Variants in CSF3R observed in about 807,000 individuals in gnomAD.
CSF3R encodes the protein colony stimulating factor 3 receptor, also known as granulocyte colony-stimulating factor receptor.
A neutral mutation model predicts 84.4 loss-of-function variants in CSF3R; 52 were observed. The ratio of observed to expected loss-of-function variants is 0.62; its 90% CI spans 0.49 to 0.78. The LOEUF (loss-of-function observed/expected upper bound fraction) is 0.78, where lower values mean the gene tolerates loss of function less well. CSF3R is among the 30% of genes least tolerant of loss of function. CSF3R has a pLI of 0.00. For synonymous variants in CSF3R, 384 were observed against 429.1 expected (o/e 0.89, Z 1.30); for missense variants, 890 against 1,055.7 (o/e 0.84, Z 2.17).
Position 36,466,990 on chromosome 1 carries a change from C to T in CSF3R, c.2041-163G>A. On this transcript the variant is annotated intron_variant, in intron 16 of 16. Coordinates refer to ENST00000373106, the MANE Select transcript of CSF3R (RefSeq NM_000760.4). The surrounding 1 kb of genome is among the most constrained non-coding windows in gnomAD (Gnocchi z 4.6). ...GCACTAGTATGTTCCTCACACATGCCTGACACATGCCATGCACCGTTCAGA... is the reference window on the plus strand; with the variant it reads ...GCACTAGTATGTTCCTCACACATGCTTGACACATGCCATGCACCGTTCAGA... 4.6e-6 allele frequency: 7 copies of T among 1,530,546 alleles called. No individual in the cohort carries two copies. The highest frequency in any genetic ancestry group is 6.3e-6 in the Non-Finnish European group (7 of 1,119,070). The allele number at this position is 1,530,546 out of a possible 1,614,324, so 94.8% of individuals were successfully genotyped here. A position where few individuals can be genotyped will look rare whatever the true frequency, so the allele number is the denominator to read the frequency against.
At chr1:36,473,680 C>T (rs1570591482) in intron 5 of CSF3R, 58 bp from the exon 6 acceptor site, 1 of 1,613,858 alleles carries the variant, frequency 6.2e-7, no homozygotes, top group African/African-American at 1.3e-5. Context: ...CTCCCTTCTC[C>T]CTCCCAGAGG....
rs778153199 is a variant in CSF3R, at chr1:36,472,253, T to C, written c.982A>G (p.Arg328Gly). The C allele has an allele frequency of 1.9e-6, 3 of 1,614,114 alleles. No homozygotes were observed. In the South Asian group the frequency reaches 3.3e-5, roughly 18 times the overall value. The part of the protein sequence containing the change: ...WSDWSPSLEL[R>G]TTERAPTVRL... ...ACCTCCTTACCCCGTTCGGTAGTTCTCAGCTCCAGGCTGGGGCTCCAGTCG... is the reference window on the plus strand; with the variant it reads ...ACCTCCTTACCCCGTTCGGTAGTTCCCAGCTCCAGGCTGGGGCTCCAGTCG... Residue 328 changes from arginine to glycine, a missense_variant, in exon 8 of 17, where the codon AGA becomes GGA. Coordinates refer to ENST00000373106, the MANE Select transcript of CSF3R (RefSeq NM_000760.4). This position sits in a 1 kb window ranked among gnomAD's most constrained non-coding sequence, Gnocchi z 5.0.
chr1:36,481,852 C>T (rs2124160401), intron 1 of CSF3R: 1 of 153,108 alleles, frequency 6.5e-6, no homozygotes, highest in East Asian at 1.9e-4. Context: ...ACTCCTGGGC[C>T]CCCTGGCCCT....
rs756473038 is a variant in CSF3R, at chr1:36,475,539, C to T, written c.199G>A (p.Ala67Thr). 6.2e-7 allele frequency: 1 copy of T among 1,614,172 alleles called. No individual in the cohort carries two copies. Among genetic ancestry groups the T allele is most frequent in the South Asian group, 1.1e-5 (1 of 91,080 alleles). ...TGCCTGCCCCCGGGCTGAAGCTCTG[C>T]TCCCAGTCTCCACAGAATCTGTGGC... Reference protein sequence around the residue: ...PEPQILWRLGAELQPGGRQQR... With the variant: ...PEPQILWRLGTELQPGGRQQR... The change falls in exon 4 of 17, where the codon GCA becomes ACA. Residue 67 changes from alanine (A) to threonine (T), a missense_variant. Transcript: ENST00000373106.
intron 4 of CSF3R, 53 bp from the exon 5 acceptor site, chr1:36,473,940 C>T: frequency 6.2e-7 from 1 of 1,612,350 alleles, no homozygotes; most frequent in Non-Finnish European, 8.5e-7. Context: ...ACTCAGAAAG[C>T]TTCCTCTGGG....
chr1:36,474,641 C>T (rs548893045), intron 4 of CSF3R, among the ~76,000 whole-genome samples: 3 of 152,028 alleles, frequency 2.0e-5, no homozygotes, highest in African/African-American at 7.2e-5. Flanking sequence ...ACAAGAACCT[C>T]GGTCTTTGTT....
At position 36,466,413 on chromosome 1, in the gene CSF3R, A is replaced by T. The variant is rs1475784728; in HGVS notation, c.2455T>A (p.Phe819Ile). The T allele has an allele frequency of 2.5e-6, 4 of 1,613,672 alleles. No homozygotes were observed. Among genetic ancestry groups the T allele is most frequent in the Admixed American group, 3.3e-5 (2 of 60,004 alleles). ...DDCVFGPLLN[F>I]PLLQGIRVHG... ...ACCCGGATCCCCTGCAGGAGGGGGAAGTTGAGCAGTGGCCCAAAGACACAG... is the reference window on the plus strand; with the variant it reads ...ACCCGGATCCCCTGCAGGAGGGGGATGTTGAGCAGTGGCCCAAAGACACAG... Residue 819 changes from phenylalanine to isoleucine, a missense_variant, in exon 17 of 17, where the codon TTC (phenylalanine) becomes ATC (isoleucine). By Grantham distance (21) the Phe-to-Ile change is conservative. Coordinates refer to ENST00000373106, the MANE Select transcript of CSF3R (RefSeq NM_000760.4). This position sits in a 1 kb window ranked among gnomAD's most constrained non-coding sequence, Gnocchi z 4.6.
chr1:36,470,256 C>T (rs544896454), intron 10 of CSF3R, among the ~76,000 whole-genome samples: 1 of 152,292 alleles, frequency 6.6e-6, no homozygotes, highest in East Asian at 1.9e-4. Context: ...GCCATCTCGG[C>T]TCATTGCAAC....
rs367919345 is a variant in CSF3R, at chr1:36,466,160, A to G, written c.*197T>C. 1 of 1,614,216 alleles carries G rather than the reference A, an allele frequency of 6.2e-7. No homozygotes were observed. On this transcript the variant is annotated 3_prime_UTR_variant, in exon 17 of 17. Coordinates refer to ENST00000373106, the MANE Select transcript of CSF3R (RefSeq NM_000760.4). This position sits in a 1 kb window ranked among gnomAD's most constrained non-coding sequence, Gnocchi z 4.6. Reference sequence around the variant, plus strand: ...ATTGGGTGGGGCTGGATGGAGCATGATCTGGTCCTTAAAGTATGCAGATCG... The same window carrying G: ...ATTGGGTGGGGCTGGATGGAGCATGGTCTGGTCCTTAAAGTATGCAGATCG...
At chr1:36,482,247 AGAGAGATATC>A (rs1557602855) in intron 1 of CSF3R, among the ~76,000 whole-genome samples, 1 of 150,812 alleles carries the variant, frequency 6.6e-6, no homozygotes, top group African/African-American at 2.5e-5. Flanking sequence ...GATTGAGGCC[AGAGAGATATC>A]GAGAGACAGA....
chr1:36,475,464 G>C lies in CSF3R; in HGVS notation c.274C>G (p.Leu92Val), dbSNP rs1434762753. The C allele has an allele frequency of 6.2e-7, 1 of 1,614,164 alleles. No individual in the cohort carries two copies. Among genetic ancestry groups the C allele is most frequent in the Admixed American group, 1.7e-5 (1 of 60,022 alleles). ...GAGAGAAAGGCCTGAGTGTGGTTGA[G>C]GTGGGGCAGGGTGATGATAGATTCC... Reference protein sequence around the residue: ...TQESIITLPHLNHTQAFLSCC... With the variant: ...TQESIITLPHVNHTQAFLSCC... The change falls in exon 4 of 17, where the codon CTC becomes GTC. Residue 92 changes from leucine to valine, a missense_variant. By Grantham distance (32) the Leu-to-Val change is conservative (BLOSUM62 1). Transcript: ENST00000373106.
intron 12 of CSF3R, 193 bp downstream of exon 12, chr1:36,468,963 T>C: frequency 1.7e-6 from 1 of 596,636 alleles, no homozygotes; most frequent in East Asian, 2.8e-5. Context: ...CCCTACTCAA[T>C]TTCTATCCCA....
chr1:36,480,681 C>T (rs1167325437), intron 2 of CSF3R, among the ~76,000 whole-genome samples: 10 of 152,208 alleles, frequency 6.6e-5, no homozygotes, highest in African/African-American at 1.9e-4. Context: ...CCCTCGTGCT[C>T]AGCAGGGAGA....
In CSF3R at chr1:36,472,648, TG is replaced by T; in HGVS notation, c.711del (p.Ser238AlafsTer25). On this transcript the variant is annotated frameshift_variant, in exon 7 of 17. Coordinates refer to ENST00000373106, the MANE Select transcript of CSF3R (RefSeq NM_000760.4). LOFTEE classifies it high-confidence loss of function. The surrounding 1 kb of genome is among the most constrained non-coding windows in gnomAD (Gnocchi z 5.0). Reference sequence around the variant, plus strand: ...GCCTGGGGAGGGGCCGCTTCAGGGCTGGGGTCCATGGTCCGCAGCATGGGGG... The same window carrying T: ...GCCTGGGGAGGGGCCGCTTCAGGGCTGGGTCCATGGTCCGCAGCATGGGGG... ...LEPPMLRTMD[P>X]SPEAAPPQAG... The T allele has an allele frequency of 6.2e-7, 1 of 1,609,382 alleles. No homozygotes were observed. The highest frequency in any genetic ancestry group is 8.5e-7 in the Non-Finnish European group (1 of 1,177,272).
At position 36,466,588 on chromosome 1, in the gene CSF3R, T is replaced by C. The variant is rs1650328751; in HGVS notation, c.2280A>G (p.Thr760=). 2.5e-6 allele frequency: 4 copies of C among 1,612,354 alleles called. No individual in the cohort carries two copies. Among genetic ancestry groups the C allele is most frequent in the African/African-American group, 2.7e-5 (2 of 74,998 alleles). The change falls in exon 17 of 17, where the codon ACA becomes ACG. Residue 760 remains threonine, a synonymous_variant. Coordinates refer to ENST00000373106, the MANE Select transcript of CSF3R (RefSeq NM_000760.4). The surrounding 1 kb of genome is among the most constrained non-coding windows in gnomAD (Gnocchi z 4.6). The part of the protein sequence containing the change: ...VLYGQLLGSP[T]SPGPGHYLRC... ...GGAGATAGTGCCCTGGCCCTGGGCTTGTGGGGCTGCCCAGCAGCTGCCCAT... is the reference window on the plus strand; with the variant it reads ...GGAGATAGTGCCCTGGCCCTGGGCTCGTGGGGCTGCCCAGCAGCTGCCCAT...
At position 36,467,172 on chromosome 1, in the gene CSF3R, T is replaced by C; in HGVS notation, c.2040+58A>G. 1 of 1,576,896 alleles carries C rather than the reference T, an allele frequency of 6.3e-7. No individual in the cohort carries two copies. The highest frequency in any genetic ancestry group is 8.7e-7 in the Non-Finnish European group (1 of 1,146,096). On this transcript the variant is annotated intron_variant, in intron 16 of 16. Coordinates refer to ENST00000373106, the MANE Select transcript of CSF3R (RefSeq NM_000760.4). The surrounding 1 kb of genome is among the most constrained non-coding windows in gnomAD (Gnocchi z 4.1). ...AGTACTTGGCTTCAGAAGGTGTCCC[T>C]TCACTGAGCCTGGGCCGACATCCCC... is the stretch of plus-strand genomic sequence containing the variant.
chr1:36,467,999 T>C lies in CSF3R; in HGVS notation c.1724-37A>G. Reference sequence around the variant, plus strand: ...GTACGGTCAGCATAGGCCTGGATGGTAAAGCTGCCTCCGTGGCAGCTGAGC... The same window carrying C: ...GTACGGTCAGCATAGGCCTGGATGGCAAAGCTGCCTCCGTGGCAGCTGAGC... On this transcript the variant is annotated intron_variant, in intron 13 of 16. Coordinates refer to ENST00000373106, the MANE Select transcript of CSF3R (RefSeq NM_000760.4). This position sits in a 1 kb window ranked among gnomAD's most constrained non-coding sequence, Gnocchi z 4.1. The C allele has an allele frequency of 6.2e-7, 1 of 1,614,178 alleles. No homozygotes were observed. The highest frequency in any genetic ancestry group is 1.1e-5 in the South Asian group (1 of 91,090).
rs1650865932 is a variant in CSF3R, at chr1:36,472,872, C to T, written c.674-186G>A. The T allele has an allele frequency of 1.5e-6, 1 of 689,124 alleles. No homozygotes were observed. The highest frequency in any genetic ancestry group is 2.3e-6 in the Non-Finnish European group (1 of 432,070). The allele number at this position is 689,124 out of a possible 1,614,324, so 42.7% of individuals were successfully genotyped here. On this transcript the variant is annotated intron_variant, in intron 6 of 16. Coordinates refer to ENST00000373106, the MANE Select transcript of CSF3R (RefSeq NM_000760.4). The surrounding 1 kb of genome is among the most constrained non-coding windows in gnomAD (Gnocchi z 5.0). ...TCTGTTTCCGCTCTTGCCCCAGGGC[C>T]TTTGCACTGGTTGTTACTTCTGCTT...
At chr1:36,475,249 C>A in intron 4 of CSF3R, 128 bp downstream of exon 4, 1 of 1,158,146 alleles carries the variant, frequency 8.6e-7, no homozygotes, top group Non-Finnish European at 1.3e-6. Context: ...TCAGGTGATC[C>A]GCCTGCCTCG....
Sources: allele counts gnomAD v4.1 joint callset (sites outside exome capture counted in the v4.1 genomes callset), GRCh38; gene constraint gnomAD v4.1.1; non-coding constraint Gnocchi (gnomAD v3.1); transcripts MANE v1.5; gene names NCBI Gene and HGNC (gene_info 2026-07-23, HGNC 2026-07-21).